SLC30A6: variants seen among roughly 807,000 people sequenced by gnomAD.
SLC30A6 encodes solute carrier family 30 member 6.
Under a neutral mutation model 63.0 loss-of-function variants are expected in SLC30A6, and 55 were observed. The ratio of observed to expected loss-of-function variants is 0.87; its 90% CI spans 0.70 to 1.09. SLC30A6 has a LOEUF of 1.09. SLC30A6 is among the 50% of genes least tolerant of loss of function. The probability of loss-of-function intolerance (pLI) is 0.00; values close to 1 mark genes in which losing one functional copy is unlikely to be tolerated. For synonymous variants in SLC30A6, 224 were observed against 186.1 expected, an observed-to-expected ratio of 1.20 and a Z score of -1.66; for missense variants, 587 against 549.2, an observed-to-expected ratio of 1.07 and a Z score of -0.69.
At chr2:32,173,276 A>G (rs2148803464) in intron 2 of SLC30A6, among the ~76,000 whole-genome samples, 1 of 152,240 alleles carries the variant, frequency 6.6e-6, no homozygotes, top group Non-Finnish European at 1.5e-5. Context: ...TCACATAAAC[A>G]GCTTTTACAA....
At chr2:32,206,176 G>A (rs960727658) in intron 11 of SLC30A6, among the ~76,000 whole-genome samples, 4 of 152,088 alleles carry the variant, frequency 2.6e-5, no homozygotes, top group Non-Finnish European at 5.9e-5. Flanking sequence ...GCCGGGCGCG[G>A]TGGCTCATGC....
At chr2:32,191,043 A>G (rs1273680468) in intron 5 of SLC30A6, among the ~76,000 whole-genome samples, 1 of 152,176 alleles carries the variant, frequency 6.6e-6, no homozygotes, top group African/African-American at 2.4e-5. Context: ...GTACTGCACT[A>G]TGTCAATTAT....
chr2:32,166,025 GC>G, intron 1 of SLC30A6, 122 bp downstream of exon 1: 1 of 1,439,178 alleles, frequency 6.9e-7, no homozygotes, highest in Non-Finnish European at 9.8e-7. Flanking sequence ...TTGAAGTCGG[GC>G]CCCTTGGCAG....
At chr2:32,211,779 A>G (rs1038683455) in intron 13 of SLC30A6, among the ~76,000 whole-genome samples, 1 of 151,598 alleles carries the variant, frequency 6.6e-6, no homozygotes, top group African/African-American at 2.4e-5. Flanking sequence ...CACCACGCCC[A>G]GCTAATTTTT....
chr2:32,165,899 T>A lies in SLC30A6; in HGVS notation c.-2T>A. On this transcript the variant is annotated 5_prime_UTR_variant, in exon 1 of 14. Transcript: ENST00000282587. ...CCGGCGGGAGCTGTGCAGCTCCTTA[T>A]CATGGTGAGTTGGCTGTTGGGGTGA... 6.2e-7 allele frequency: 1 copy of A among 1,614,158 alleles called. No individual in the cohort carries two copies. Among genetic ancestry groups the A allele is most frequent in the Non-Finnish European group, 8.5e-7 (1 of 1,179,994 alleles).
Position 32,188,436 on chromosome 2 carries a change from A to G in SLC30A6, c.285-3900A>G, listed in dbSNP as rs181945237. 2.7e-3 allele frequency among the ~76,000 whole-genome samples: 415 copies of G among 152,236 alleles called. 4 individuals carry two copies. The highest frequency in any genetic ancestry group is 9.8e-3 in the African/African-American group (407 of 41,538). On this transcript the variant is annotated intron_variant, in intron 5 of 13. Coordinates refer to ENST00000282587, the MANE Select transcript of SLC30A6 (RefSeq NM_017964.5). ...GAGCTGGGTGTGGTGGCTTATGCCTATAATCCCAGCGCTTTGGGAGGCCGA... is the reference window on the plus strand; with the variant it reads ...GAGCTGGGTGTGGTGGCTTATGCCTGTAATCCCAGCGCTTTGGGAGGCCGA...
In SLC30A6 at chr2:32,222,586, G is replaced by A. The variant is rs868243168; in HGVS notation, c.*1873G>A. The A allele has an allele frequency of 2.6e-5, 4 of 152,148 alleles. No homozygotes were observed. The highest frequency in any genetic ancestry group is 1.3e-4 in the Admixed American group (2 of 15,266). 9.4% of individuals were successfully genotyped at this position (152,148 alleles called of 1,614,324 possible). ...TTTTCTTAGTGAGGAGTTGGTCATT[G>A]TCTTTGGCATCTGCAACCCCTGTTC... On this transcript the variant is annotated 3_prime_UTR_variant, in exon 14 of 14. Transcript: ENST00000282587.
Position 32,197,412 on chromosome 2 carries a change from C to T in SLC30A6, c.545+20C>T. On this transcript the variant is annotated intron_variant, in intron 9 of 13. Transcript: ENST00000282587. ...TCGAAGGTAAGATGTTATGGAGTTTCATGATATGCATAATTTAAAGGAATA... is the reference window on the plus strand; with the variant it reads ...TCGAAGGTAAGATGTTATGGAGTTTTATGATATGCATAATTTAAAGGAATA... 1 of 1,602,286 alleles carries T rather than the reference C, an allele frequency of 6.2e-7. No homozygotes were observed. Among genetic ancestry groups the T allele is most frequent in the Non-Finnish European group, 8.5e-7 (1 of 1,169,766 alleles).
chr2:32,196,100 G>T (rs960037933), intron 8 of SLC30A6, among the ~76,000 whole-genome samples: 2 of 152,146 alleles, frequency 1.3e-5, no homozygotes, highest in African/African-American at 4.8e-5. Context: ...GGATCACAAG[G>T]TCAGCAGTTT....
intron 13 of SLC30A6, among the ~76,000 whole-genome samples, chr2:32,217,208 A>T (rs1158579109): frequency 6.6e-6 from 1 of 152,108 alleles, no homozygotes; most frequent in African/African-American, 2.4e-5. Flanking sequence ...TGAGGTCTTA[A>T]ATTTAAATCT....
At chr2:32,200,210 G>A (rs1251956180) in intron 10 of SLC30A6, among the ~76,000 whole-genome samples, 1 of 151,448 alleles carries the variant, frequency 6.6e-6, no homozygotes, top group Non-Finnish European at 1.5e-5. Flanking sequence ...TCATTTCTTT[G>A]GCCTAATTAG....
chr2:32,196,063 C>T (rs1268976117), intron 8 of SLC30A6, among the ~76,000 whole-genome samples: 1 of 152,102 alleles, frequency 6.6e-6, no homozygotes, highest in Non-Finnish European at 1.5e-5. Context: ...ACCTGTAATC[C>T]CAGCAGTTTG....
At chr2:32,207,396 A>T (rs909696284) in intron 12 of SLC30A6, among the ~76,000 whole-genome samples, 1 of 149,820 alleles carries the variant, frequency 6.7e-6, no homozygotes, top group East Asian at 2.0e-4. Flanking sequence ...TTTTTTTTTG[A>T]GACAGAGTCT....
At chr2:32,175,953 A>G (rs1044159688) in intron 4 of SLC30A6, among the ~76,000 whole-genome samples, 4 of 152,202 alleles carry the variant, frequency 2.6e-5, no homozygotes, top group African/African-American at 9.6e-5. Context: ...AGCCTGGGCA[A>G]CGAGCGAAAC....
intron 2 of SLC30A6, among the ~76,000 whole-genome samples, chr2:32,173,215 TCTC>T (rs1174947263): frequency 6.6e-6 from 1 of 152,168 alleles, no homozygotes; most frequent in Non-Finnish European, 1.5e-5. Context: ...CACCTTCTCT[TCTC>T]CTCATCTTTA....
intron 5 of SLC30A6, among the ~76,000 whole-genome samples, chr2:32,188,719 C>T (rs1297576135): frequency 3.3e-5 from 5 of 152,074 alleles, no homozygotes; most frequent in African/African-American, 1.2e-4. Context: ...AGTAGGGACC[C>T]TGTCTTGTTT....
intron 13 of SLC30A6, among the ~76,000 whole-genome samples, chr2:32,211,182 G>T (rs1685225837): frequency 6.6e-6 from 1 of 152,172 alleles, no homozygotes; most frequent in Admixed American, 6.5e-5. Flanking sequence ...CATGGCTTTG[G>T]CTCATTGCCT....
chr2:32,181,550 C>G (rs1682312317), intron 4 of SLC30A6, among the ~76,000 whole-genome samples: 1 of 151,966 alleles, frequency 6.6e-6, no homozygotes, highest in Non-Finnish European at 1.5e-5. Context: ...GTATTATTTA[C>G]AAAGAAAAAT....
chr2:32,219,770 C>G (rs1027812544), intron 13 of SLC30A6, among the ~76,000 whole-genome samples: 2 of 152,148 alleles, frequency 1.3e-5, no homozygotes, highest in African/African-American at 4.8e-5. Flanking sequence ...ATTGCTTATT[C>G]TTACCAAGTA....
Sources: allele counts gnomAD v4.1 joint callset (sites outside exome capture counted in the v4.1 genomes callset), GRCh38; gene constraint gnomAD v4.1.1; transcripts MANE v1.5; gene names NCBI Gene and HGNC (gene_info 2026-07-23, HGNC 2026-07-21).